The following ZNF503 variants were observed in gnomAD, a reference collection of about 807,000 sequenced individuals.
ZNF503 encodes zinc finger protein 503, also known as NocA-like zinc finger 2.
ZNF503 carries 15 observed loss-of-function variants against 34.4 expected under a neutral mutation model. That is an observed-to-expected ratio of 0.44 (90% CI 0.29 to 0.67). The LOEUF (loss-of-function observed/expected upper bound fraction) is 0.67, where lower values mean the gene tolerates loss of function less well. Ranked by LOEUF, ZNF503 falls within the 30% of genes least tolerant of loss-of-function variation. The pLI, the probability that ZNF503 is intolerant of heterozygous loss-of-function variation, is 0.13. For missense variants in ZNF503, 1,007 were observed against 926.8 expected (o/e 1.09, Z -1.12); for synonymous variants, 580 against 456.8 (o/e 1.27, Z -3.44).
chr10:75,356,915 A>G, the ZNF503 span, among the ~76,000 whole-genome samples: 1 of 152,156 alleles, frequency 6.6e-6, no homozygotes, highest in Admixed American at 6.5e-5. Context: ...CGTGTCGAAC[A>G]GTTTCTATTT....
intron 1 of ZNF503, 94 bp downstream of exon 1, chr10:75,401,011 C>T (rs757838722): frequency 3.2e-6 from 5 of 1,542,406 alleles, no homozygotes; most frequent in Non-Finnish European, 2.6e-6. Flanking sequence ...ATCACTCCGA[C>T]CCCCCCACCT....
the ZNF503 span, among the ~76,000 whole-genome samples, chr10:75,320,166 A>C: frequency 6.6e-6 from 1 of 152,330 alleles, no homozygotes; most frequent in South Asian, 2.1e-4. Context: ...CATAATTATC[A>C]ATGCAAATAA....
At chr10:75,300,529 G>A in the ZNF503 span, among the ~76,000 whole-genome samples, 2 of 152,100 alleles carry the variant, frequency 1.3e-5, no homozygotes, top group African/African-American at 2.4e-5. Flanking sequence ...CACAGTTTAC[G>A]TTTAGAGATT....
the ZNF503 span, among the ~76,000 whole-genome samples, chr10:75,338,907 G>A: frequency 3.3e-5 from 5 of 152,206 alleles, no homozygotes; most frequent in East Asian, 1.9e-4. Flanking sequence ...AGTCACTCTC[G>A]CTCTTTGCCT....
chr10:75,302,718 C>T, the ZNF503 span, among the ~76,000 whole-genome samples: 1 of 152,188 alleles, frequency 6.6e-6, no homozygotes, highest in Non-Finnish European at 1.5e-5. Flanking sequence ...TGAAACAGAA[C>T]TGCAACCTCA....
At chr10:75,358,197 T>A in the ZNF503 span, 1 of 152,232 alleles carries the variant, frequency 6.6e-6, no homozygotes, top group Admixed American at 6.5e-5. Context: ...CACTGTGCTT[T>A]TCATTGGCAG....
chr10:75,336,631 C>A, the ZNF503 span, among the ~76,000 whole-genome samples: 2 of 152,176 alleles, frequency 1.3e-5, no homozygotes, highest in Non-Finnish European at 2.9e-5. Flanking sequence ...GGTCAGATGT[C>A]CAGGTGGCTT....
the ZNF503 span, among the ~76,000 whole-genome samples, chr10:75,324,749 G>A: frequency 6.6e-6 from 1 of 152,068 alleles, no homozygotes; most frequent in Non-Finnish European, 1.5e-5. Flanking sequence ...TATTCACAAA[G>A]TTGTGCAACA....
the ZNF503 span, among the ~76,000 whole-genome samples, chr10:75,337,773 G>A: frequency 6.6e-6 from 1 of 152,206 alleles, no homozygotes; most frequent in Non-Finnish European, 1.5e-5. Flanking sequence ...GACCACTTAG[G>A]TTCAGTGGAC....
At chr10:75,368,996 C>A in the ZNF503 span, among the ~76,000 whole-genome samples, 1 of 152,176 alleles carries the variant, frequency 6.6e-6, no homozygotes. Context: ...ACATCAATTA[C>A]AGCACATCTG....
the ZNF503 span, chr10:75,279,879 C>T: frequency 6.6e-6 from 1 of 152,168 alleles, no homozygotes; most frequent in Non-Finnish European, 1.5e-5. Context: ...CACAAGGGAT[C>T]TCTCCGATGT....
At chr10:75,368,971 G>T in the ZNF503 span, among the ~76,000 whole-genome samples, 1 of 152,216 alleles carries the variant, frequency 6.6e-6, no homozygotes, top group Non-Finnish European at 1.5e-5. Context: ...ATATGACTGA[G>T]AATTGGATTT....
At chr10:75,334,538 C>T in the ZNF503 span, among the ~76,000 whole-genome samples, 1 of 152,212 alleles carries the variant, frequency 6.6e-6, no homozygotes, top group South Asian at 2.1e-4. Flanking sequence ...CACTTTCTTC[C>T]TCCAGAGAGG....
At chr10:75,393,098 G>C (rs1184812466), downstream of ZNF503, among the ~76,000 whole-genome samples, 2 of 152,204 alleles carry the variant, frequency 1.3e-5, no homozygotes, top group African/African-American at 4.8e-5. Flanking sequence ...TCCCAACTAA[G>C]GCATTTCCTA....
chr10:75,391,398 C>G, the ZNF503 span, among the ~76,000 whole-genome samples: 1 of 152,056 alleles, frequency 6.6e-6, no homozygotes, highest in Non-Finnish European at 1.5e-5. Flanking sequence ...TCAGAGATGA[C>G]GTAAGGATGA....
At chr10:75,329,755 G>A in the ZNF503 span, among the ~76,000 whole-genome samples, 1 of 152,126 alleles carries the variant, frequency 6.6e-6, no homozygotes, top group Non-Finnish European at 1.5e-5. Flanking sequence ...GGGATTACAG[G>A]CATGAGCCAC....
At chr10:75,309,802 T>C in the ZNF503 span, among the ~76,000 whole-genome samples, 1 of 152,232 alleles carries the variant, frequency 6.6e-6, no homozygotes, top group Non-Finnish European at 1.5e-5. Flanking sequence ...TCATATCTAA[T>C]AACTAATTGC....
At chr10:75,378,001 A>T in the ZNF503 span, among the ~76,000 whole-genome samples, 1 of 152,024 alleles carries the variant, frequency 6.6e-6, no homozygotes, top group African/African-American at 2.4e-5. Flanking sequence ...GAGAGAGAGG[A>T]GGGAGGTTCC....
At chr10:75,279,813 A>T in the ZNF503 span, 2 of 152,192 alleles carry the variant, frequency 1.3e-5, no homozygotes, top group Non-Finnish European at 2.9e-5. Flanking sequence ...GTGTCTGATG[A>T]CGGTCTGATT....
Sources: gnomAD v4.1 joint callset for allele counts (sites outside exome capture counted in the v4.1 genomes callset) on GRCh38, gnomAD v4.1.1 for gene constraint, MANE v1.5 for transcripts, NCBI Gene and HGNC (gene_info 2026-07-23, HGNC 2026-07-21) for gene names.